The following GNG12 variants were observed in gnomAD, a reference collection of about 807,000 sequenced individuals.
GNG12 encodes the protein G protein subunit gamma 12.
For missense variants in GNG12, 69 were observed against 83.8 expected, an observed-to-expected ratio of 0.82 and a Z score of 0.69; for synonymous variants, 28 against 29.7, an observed-to-expected ratio of 0.94 and a Z score of 0.19.
chr1:67,811,122 A>G (rs1646922940), intron 1 of GNG12, among the ~76,000 whole-genome samples: 1 of 152,184 alleles, frequency 6.6e-6, no homozygotes, highest in Admixed American at 6.5e-5. Flanking sequence ...ATGCTCATCA[A>G]AATTTGAGAA....
chr1:67,707,740 T>A, intron 2 of GNG12, 28 bp from the exon 3 acceptor site: 1 of 1,092,086 alleles, frequency 9.2e-7, no homozygotes, highest in Non-Finnish European at 1.4e-6. Context: ...TAAAGACAAG[T>A]AACAGGCATC....
intron 2 of GNG12, among the ~76,000 whole-genome samples, chr1:67,766,098 G>GCACACACACACACACACACACACACACA (rs1278948416): frequency 9.9e-6 from 1 of 100,816 alleles, no homozygotes; most frequent in African/African-American, 4.5e-5. Context: ...ACAAAACAAG[G>GCACACACACACACACACACACACACACA]CACACACGCA....
chr1:67,705,348 G>C lies in GNG12; in HGVS notation c.*103C>G, dbSNP rs190580980. The C allele has an allele frequency of 2.0e-6, 3 of 1,501,310 alleles. No individual in the cohort carries two copies. The highest frequency in any genetic ancestry group is 2.7e-6 in the Non-Finnish European group (3 of 1,128,380). The allele number at this position is 1,501,310 out of a possible 1,614,324, so 93.0% of individuals were successfully genotyped here. A position where few individuals can be genotyped will look rare whatever the true frequency, so the allele number is the denominator to read the frequency against. ...ATTATTCCAAGCTGAGAACATTTTA[G>C]TTATTAGCAGTGGTTACCAAATAAG... On this transcript the variant is annotated 3_prime_UTR_variant, in exon 4 of 4. Transcript: ENST00000370982.
In GNG12 at chr1:67,815,651, G is replaced by A. The variant is rs76707603; in HGVS notation, c.-77+17693C>T. 8.6e-3 allele frequency among the ~76,000 whole-genome samples: 1,304 copies of A among 152,270 alleles called. 22 individuals are homozygous for A. Among genetic ancestry groups the A allele is most frequent in the East Asian group, 0.036 (186 of 5,182 alleles). On this transcript the variant is annotated intron_variant, in intron 1 of 3. Transcript: ENST00000370982. ...CACCAATAATTTGTAAGTAGGAAGA[G>A]TTTTCTGTTCATTTTTTTCTTAATG...
chr1:67,795,385 G>T (rs1646824951), intron 1 of GNG12, among the ~76,000 whole-genome samples: 1 of 152,148 alleles, frequency 6.6e-6, no homozygotes, highest in South Asian at 2.1e-4. Flanking sequence ...CCTTGCCTCT[G>T]CAGGCTGCTG....
At chr1:67,738,749 G>A (rs1214344757) in intron 2 of GNG12, among the ~76,000 whole-genome samples, 1 of 152,222 alleles carries the variant, frequency 6.6e-6, no homozygotes, top group African/African-American at 2.4e-5. Flanking sequence ...ATGATGGCAT[G>A]TGCCTGTGGT....
chr1:67,739,040 G>A (rs180815626), intron 2 of GNG12, among the ~76,000 whole-genome samples: 26 of 152,256 alleles, frequency 1.7e-4, no homozygotes, highest in African/African-American at 6.3e-4. Context: ...TTAGCTGGGC[G>A]TGGTGGCAGG....
At chr1:67,766,563 G>A (rs191865465) in intron 2 of GNG12, among the ~76,000 whole-genome samples, 1 of 151,900 alleles carries the variant, frequency 6.6e-6, no homozygotes, top group African/African-American at 2.4e-5. Context: ...TCACAGCTAT[G>A]GTTTTGCCAA....
chr1:67,771,015 G>C (rs1193421648), intron 2 of GNG12, among the ~76,000 whole-genome samples: 1 of 143,596 alleles, frequency 7.0e-6, no homozygotes, highest in Non-Finnish European at 1.6e-5. Flanking sequence ...CAGAGATACA[G>C]AGAGAGAGAG....
chr1:67,716,528 A>G (rs1646326747), intron 2 of GNG12, among the ~76,000 whole-genome samples: 1 of 152,226 alleles, frequency 6.6e-6, no homozygotes, highest in African/African-American at 2.4e-5. Flanking sequence ...TGACAGATGA[A>G]GCAGAGAGAG....
intron 1 of GNG12, among the ~76,000 whole-genome samples, chr1:67,800,113 G>A (rs535681624): frequency 6.6e-6 from 1 of 152,270 alleles, no homozygotes; most frequent in South Asian, 2.1e-4. Flanking sequence ...AAATTGATTA[G>A]TCTCTCTTGC....
intron 2 of GNG12, among the ~76,000 whole-genome samples, chr1:67,712,722 C>T (rs1475342835): frequency 6.6e-6 from 1 of 151,912 alleles, no homozygotes; most frequent in Non-Finnish European, 1.5e-5. Flanking sequence ...AGTTCGTAAG[C>T]CTTTTCATTC....
intron 1 of GNG12, among the ~76,000 whole-genome samples, chr1:67,792,642 T>C (rs184813220): frequency 3.1e-4 from 47 of 152,292 alleles, no homozygotes; most frequent in Non-Finnish European, 5.6e-4. Context: ...GTCTGCCTTA[T>C]TTGTGGTAGT....
intron 2 of GNG12, among the ~76,000 whole-genome samples, chr1:67,767,987 G>A (rs1335324431): frequency 1.3e-5 from 2 of 152,194 alleles, no homozygotes; most frequent in Non-Finnish European, 2.9e-5. Context: ...ACGTTGCGGA[G>A]GCTGGACTCG....
intron 2 of GNG12, among the ~76,000 whole-genome samples, chr1:67,729,727 G>A (rs549159684): frequency 1.3e-5 from 2 of 152,302 alleles, no homozygotes; most frequent in African/African-American, 4.8e-5. Context: ...GGAAAGGGGT[G>A]CTCAGAGCAC....
At chr1:67,792,841 G>A (rs976485737) in intron 1 of GNG12, among the ~76,000 whole-genome samples, 1 of 152,168 alleles carries the variant, frequency 6.6e-6, no homozygotes, top group Non-Finnish European at 1.5e-5. Flanking sequence ...CTTCTGCCAG[G>A]AGTCTCCAAT....
At chr1:67,790,702 C>T (rs1265232922) in intron 1 of GNG12, among the ~76,000 whole-genome samples, 5 of 151,826 alleles carry the variant, frequency 3.3e-5, no homozygotes, top group Non-Finnish European at 7.4e-5. Flanking sequence ...CTCTGCCTCC[C>T]GGGTTCAAGC....
At chr1:67,812,275 T>C (rs1017607948) in intron 1 of GNG12, among the ~76,000 whole-genome samples, 11 of 152,160 alleles carry the variant, frequency 7.2e-5, no homozygotes, top group South Asian at 4.1e-4. Flanking sequence ...CCAGATACCA[T>C]AGATTATTAA....
chr1:67,705,713 G>A, intron 3 of GNG12, 137 bp from the exon 4 acceptor site: 2 of 1,368,516 alleles, frequency 1.5e-6, no homozygotes, highest in Non-Finnish European at 1.9e-6. Flanking sequence ...ATCACTCTCA[G>A]ATTCTTGTCA....
Sources: allele counts gnomAD v4.1 joint callset (sites outside exome capture counted in the v4.1 genomes callset), GRCh38; gene constraint gnomAD v4.1.1; transcripts MANE v1.5; gene names NCBI Gene and HGNC (gene_info 2026-07-23, HGNC 2026-07-21).